Variants in ZC3H12C observed in about 807,000 individuals in gnomAD.
ZC3H12C encodes the protein probable ribonuclease ZC3H12C.
Under a neutral mutation model 76.3 loss-of-function variants are expected in ZC3H12C, and 20 were observed. The observed-to-expected ratio is 0.26, with a 90% CI of 0.18 to 0.38. The LOEUF (loss-of-function observed/expected upper bound fraction) is 0.38, where lower values mean the gene tolerates loss of function less well. Ranked by LOEUF, ZC3H12C falls within the 10% of genes least tolerant of loss-of-function variation. The pLI, the probability that ZC3H12C is intolerant of heterozygous loss-of-function variation, is 1.00. For missense variants in ZC3H12C, 874 were observed against 1,086.5 expected (o/e 0.80, Z 2.75); for synonymous variants, 352 against 399.6 (o/e 0.88, Z 1.42).
chr11:110,121,600 C>CT lies in ZC3H12C; in HGVS notation c.22-15053dup, dbSNP rs5794665. Among the ~76,000 whole-genome samples the CT allele has an allele frequency of 5.3e-5, 8 of 151,254 alleles. No individual in the cohort carries two copies. The East Asian group carries it at 1.4e-3, about 26-fold the overall frequency. ...TGAGTGTTTTCTAACACAGCAGTTC[C>CT]TTTTTTTTTTCTAGCCTTTTGCACA... On this transcript the variant is annotated intron_variant, in intron 1 of 5. Transcript: ENST00000278590.
intron 1 of ZC3H12C, among the ~76,000 whole-genome samples, chr11:110,105,249 TTGA>T (rs1345493153): frequency 6.6e-6 from 1 of 152,216 alleles, no homozygotes; most frequent in Admixed American, 6.5e-5. Flanking sequence ...ATCATTTTCT[TTGA>T]TGGCCTCATT....
At chr11:110,124,009 A>T (rs1200411614) in intron 1 of ZC3H12C, 2 of 152,304 alleles carry the variant, frequency 1.3e-5, no homozygotes, top group African/African-American at 4.8e-5. Flanking sequence ...CTGTGGGCAG[A>T]TCTCAAAGAG....
At chr11:110,139,450 A>C (rs660222) in intron 2 of ZC3H12C, among the ~76,000 whole-genome samples, 3 of 151,796 alleles carry the variant, frequency 2.0e-5, no homozygotes, top group Non-Finnish European at 4.4e-5. Context: ...CATTTTTGCA[A>C]TGATGTATGG....
intron 1 of ZC3H12C, among the ~76,000 whole-genome samples, chr11:110,135,364 C>T (rs11823729): frequency 6.6e-6 from 1 of 151,858 alleles, no homozygotes. Flanking sequence ...GTGGCACTCA[C>T]CTGTAATCCC....
At chr11:110,163,734 T>C (rs1862523104) in intron 5 of ZC3H12C, among the ~76,000 whole-genome samples, 2 of 152,164 alleles carry the variant, frequency 1.3e-5, no homozygotes, top group South Asian at 4.1e-4. Context: ...CAGAATTTCC[T>C]ACCTAATTAT....
intron 1 of ZC3H12C, among the ~76,000 whole-genome samples, chr11:110,127,063 G>A (rs954936279): frequency 5.0e-4 from 76 of 152,236 alleles, no homozygotes; most frequent in South Asian, 4.1e-4. Flanking sequence ...GACTTTCGGC[G>A]TCTGCCTCTT....
In ZC3H12C at chr11:110,164,248, T is replaced by C. The variant is rs1226205681; in HGVS notation, c.1256-93T>C. Reference sequence around the variant, plus strand: ...CTTAGCACAGCTCCCATTTCTATCGTTGTCTCTTCTACAAGTTAAAATCAT... The same window carrying C: ...CTTAGCACAGCTCCCATTTCTATCGCTGTCTCTTCTACAAGTTAAAATCAT... On this transcript the variant is annotated intron_variant, in intron 5 of 5. Coordinates refer to ENST00000278590, the MANE Select transcript of ZC3H12C (RefSeq NM_033390.2). This position sits in a 1 kb window ranked among gnomAD's most constrained non-coding sequence, Gnocchi z 5.7. 13 of 1,149,986 alleles carry C rather than the reference T, an allele frequency of 1.1e-5. No homozygotes were observed. The highest frequency in any genetic ancestry group is 1.1e-5 in the Non-Finnish European group (9 of 834,912). The allele number at this position is 1,149,986 out of a possible 1,614,324, so 71.2% of individuals were successfully genotyped here.
chr11:110,117,674 ATATT>A (rs1861552771), intron 1 of ZC3H12C, among the ~76,000 whole-genome samples: 1 of 144,160 alleles, frequency 6.9e-6, no homozygotes. Flanking sequence ...ACATATATAT[ATATT>A]ATATATATAC....
At chr11:110,115,276 ATTTATT>A in intron 1 of ZC3H12C, among the ~76,000 whole-genome samples, 2 of 150,780 alleles carry the variant, frequency 1.3e-5, no homozygotes, top group Middle Eastern at 3.4e-3. Context: ...CAGCTAGTTT[ATTTATT>A]TTTATTTTAT....
chr11:110,161,608 G>A (rs1271313856), intron 4 of ZC3H12C, among the ~76,000 whole-genome samples: 2 of 152,136 alleles, frequency 1.3e-5, no homozygotes, highest in Non-Finnish European at 2.9e-5. Flanking sequence ...GCACTGATAG[G>A]TTATTTGGCA....
intron 1 of ZC3H12C, among the ~76,000 whole-genome samples, chr11:110,117,069 G>C (rs919235164): frequency 6.6e-6 from 1 of 152,216 alleles, no homozygotes; most frequent in African/African-American, 2.4e-5. Flanking sequence ...GTCTAGCCTA[G>C]CTTCCTTTGG....
At chr11:110,126,724 A>C (rs1171454833) in intron 1 of ZC3H12C, among the ~76,000 whole-genome samples, 1 of 152,126 alleles carries the variant, frequency 6.6e-6, no homozygotes, top group African/African-American at 2.4e-5. Context: ...TTTCATTTGC[A>C]CTGCATGTTC....
rs34438018 is a variant in ZC3H12C at position 110,161,011 on chromosome 11, G to GTT, written c.1148+1532_1148+1533dup. 4.8e-3 allele frequency among the ~76,000 whole-genome samples: 703 copies of GTT among 145,732 alleles called. 6 individuals are homozygous for GTT. The highest frequency in any genetic ancestry group is 7.0e-3 in the Non-Finnish European group (466 of 66,296). On this transcript the variant is annotated intron_variant, in intron 4 of 5. Transcript: ENST00000278590. ...CCCATCACACCTGGCTAATTTTTGT[G>GTT]TTTTTTTTTTTTAGTAGAGACGAGG...
intron 1 of ZC3H12C, among the ~76,000 whole-genome samples, chr11:110,107,564 TG>T (rs780102402): frequency 2.6e-5 from 4 of 152,098 alleles, no homozygotes; most frequent in Non-Finnish European, 5.9e-5. Flanking sequence ...TTGCTCTTGT[TG>T]CCTAGGCTGG....
At chr11:110,146,681 C>T (rs1476358235) in intron 2 of ZC3H12C, among the ~76,000 whole-genome samples, 1 of 152,210 alleles carries the variant, frequency 6.6e-6, no homozygotes, top group African/African-American at 2.4e-5. Context: ...GGTTTGCTCC[C>T]CTTGTGAACA....
intron 4 of ZC3H12C, among the ~76,000 whole-genome samples, chr11:110,159,920 G>A (rs1265901651): frequency 6.6e-6 from 1 of 152,230 alleles, no homozygotes; most frequent in Non-Finnish European, 1.5e-5. Flanking sequence ...TTCATTGTGG[G>A]TATGAACATC....
intron 1 of ZC3H12C, among the ~76,000 whole-genome samples, chr11:110,125,672 A>G (rs117898907): frequency 0.021 from 3,144 of 152,244 alleles, 42 homozygotes; most frequent in Non-Finnish European, 0.029. Context: ...CTGTCCACCT[A>G]GCATTTTCCT....
chr11:110,119,886 C>T (rs1210206179), intron 1 of ZC3H12C, among the ~76,000 whole-genome samples: 2 of 152,260 alleles, frequency 1.3e-5, no homozygotes, highest in East Asian at 1.9e-4. Context: ...AAGGCCCCAC[C>T]TCTAAGACTA....
intron 1 of ZC3H12C, among the ~76,000 whole-genome samples, chr11:110,114,994 C>T (rs1338555177): frequency 6.6e-6 from 1 of 152,170 alleles, no homozygotes; most frequent in Non-Finnish European, 1.5e-5. Flanking sequence ...TGGGAGAGTA[C>T]TGCTGCTCTA....
Sources: allele counts gnomAD v4.1 joint callset (sites outside exome capture counted in the v4.1 genomes callset), GRCh38; gene constraint gnomAD v4.1.1; non-coding constraint Gnocchi (gnomAD v3.1); transcripts MANE v1.5; gene names NCBI Gene and HGNC (gene_info 2026-07-23, HGNC 2026-07-21).